Variants in CALCR observed in about 807,000 individuals in gnomAD.
CALCR encodes calcitonin receptor.
In CALCR, 47 loss-of-function variants were observed where a neutral mutation model predicts 59.5. The ratio of observed to expected loss-of-function variants is 0.79; its 90% CI spans 0.63 to 1.01. The LOEUF is 1.01. CALCR is among the 50% of genes least tolerant of loss of function. The pLI is 0.00. For synonymous variants in CALCR, 213 were observed against 211.3 expected (o/e 1.01, Z -0.07); for missense variants, 566 against 597.1 (o/e 0.95, Z 0.54).
intron 2 of CALCR, among the ~76,000 whole-genome samples, chr7:93,555,953 T>C (rs757853289): frequency 1.3e-5 from 2 of 152,182 alleles, no homozygotes; most frequent in African/African-American, 2.4e-5. Flanking sequence ...AGTAAAACTC[T>C]TCTGTAATAC....
chr7:93,461,649 C>T (rs897881392), intron 7 of CALCR, among the ~76,000 whole-genome samples: 3 of 152,158 alleles, frequency 2.0e-5, no homozygotes, highest in Non-Finnish European at 4.4e-5. Flanking sequence ...GCTGCTGCTT[C>T]TTGGTAGAGT....
At chr7:93,499,499 G>A (rs532088096) in intron 2 of CALCR, among the ~76,000 whole-genome samples, 23 of 151,762 alleles carry the variant, frequency 1.5e-4, no homozygotes, top group African/African-American at 2.4e-4. Context: ...GGATGGCCAC[G>A]TCTGGGTAAT....
At chr7:93,569,043 C>T (rs1789937708) in intron 2 of CALCR, among the ~76,000 whole-genome samples, 2 of 151,322 alleles carry the variant, frequency 1.3e-5, no homozygotes, top group Non-Finnish European at 2.9e-5. Context: ...TATCGTTCAC[C>T]AAATCCTACA....
intron 4 of CALCR, 125 bp from the exon 5 acceptor site, chr7:93,477,793 A>C: frequency 1.6e-6 from 1 of 607,568 alleles, no homozygotes. Context: ...CACATTTCAA[A>C]CAAGCCAAGT....
intron 2 of CALCR, among the ~76,000 whole-genome samples, chr7:93,493,335 C>T (rs915001838): frequency 1.3e-5 from 2 of 151,398 alleles, no homozygotes; most frequent in African/African-American, 4.8e-5. Context: ...TTGCATTTCT[C>T]ATATCAGTGT....
At chr7:93,426,648 T>G (rs1799537865) in intron 13 of CALCR, 59 bp from the exon 14 acceptor site, 1 of 857,714 alleles carries the variant, frequency 1.2e-6, no homozygotes, top group Non-Finnish European at 1.9e-6. Context: ...CCATGCAAAG[T>G]GTACGAACAT....
chr7:93,486,905 G>A, intron 3 of CALCR, 26 bp downstream of exon 3: 1 of 1,343,898 alleles, frequency 7.4e-7, no homozygotes, highest in Non-Finnish European at 1.1e-6. Flanking sequence ...CATTAGCATG[G>A]CTTTGAATAC....
chr7:93,479,176 T>A (rs1436334394), intron 4 of CALCR, among the ~76,000 whole-genome samples, 178 bp downstream of exon 4: 1 of 151,878 alleles, frequency 6.6e-6, no homozygotes, highest in Non-Finnish European at 1.5e-5. Flanking sequence ...TCAGATGAAC[T>A]TGGGCAAAGA....
intron 4 of CALCR, among the ~76,000 whole-genome samples, chr7:93,478,826 T>C (rs1352893325): frequency 2.0e-5 from 3 of 151,796 alleles, no homozygotes. Context: ...GGCAGTCACA[T>C]ACAGCCATTC....
intron 9 of CALCR, among the ~76,000 whole-genome samples, chr7:93,442,319 AT>A (rs1451747477): frequency 6.6e-6 from 1 of 152,100 alleles, no homozygotes; most frequent in African/African-American, 2.4e-5. Flanking sequence ...CATCAATTCA[AT>A]TTTGAGGCAT....
At chr7:93,442,545 T>C (rs1215053057) in intron 9 of CALCR, among the ~76,000 whole-genome samples, 2 of 152,198 alleles carry the variant, frequency 1.3e-5, no homozygotes, top group East Asian at 3.9e-4. Context: ...TTGGCGACAA[T>C]GCCTGTTGGG....
chr7:93,470,622 C>T (rs80141376), intron 6 of CALCR, among the ~76,000 whole-genome samples: 2,978 of 151,206 alleles, frequency 0.02, 108 homozygotes, highest in African/African-American at 0.068. Context: ...AATTTAGTTG[C>T]CATCCTTGTG....
At chr7:93,524,996 C>A (rs1354828176) in intron 2 of CALCR, among the ~76,000 whole-genome samples, 1 of 152,068 alleles carries the variant, frequency 6.6e-6, no homozygotes, top group Non-Finnish European at 1.5e-5. Context: ...GAATCCATGC[C>A]TGCAACATGC....
chr7:93,461,304 C>G (rs1277388683), intron 7 of CALCR, among the ~76,000 whole-genome samples: 1 of 152,050 alleles, frequency 6.6e-6, no homozygotes, highest in Non-Finnish European at 1.5e-5. Context: ...AAATGAAAAG[C>G]CTACTGTTCA....
At chr7:93,531,403 TG>T (rs1253522251) in intron 2 of CALCR, among the ~76,000 whole-genome samples, 1 of 152,112 alleles carries the variant, frequency 6.6e-6, no homozygotes, top group Non-Finnish European at 1.5e-5. Context: ...GTTTCTCATA[TG>T]TCCATCCTCC....
At chr7:93,428,190 T>C (rs1799571138) in intron 13 of CALCR, among the ~76,000 whole-genome samples, 1 of 152,258 alleles carries the variant, frequency 6.6e-6, no homozygotes, top group South Asian at 2.1e-4. Flanking sequence ...CAGCTGTTTA[T>C]TGAGTGTTTA....
intron 2 of CALCR, among the ~76,000 whole-genome samples, chr7:93,548,958 CT>C (rs1404678796): frequency 4.6e-5 from 7 of 151,442 alleles, no homozygotes; most frequent in African/African-American, 1.7e-4. Flanking sequence ...TTTTTTCCCC[CT>C]GAGAATTGTA....
At chr7:93,527,478 T>C (rs1424614671) in intron 2 of CALCR, among the ~76,000 whole-genome samples, 1 of 152,146 alleles carries the variant, frequency 6.6e-6, no homozygotes, top group African/African-American at 2.4e-5. Context: ...TACAAACTTA[T>C]AAAAATAATT....
At chr7:93,446,375 G>C (rs537531813) in intron 8 of CALCR, among the ~76,000 whole-genome samples, 1 of 151,988 alleles carries the variant, frequency 6.6e-6, no homozygotes, top group South Asian at 2.1e-4. Context: ...TGGTTTATCA[G>C]TGTCACCTGA....
Sources: gnomAD v4.1 joint callset for allele counts (sites outside exome capture counted in the v4.1 genomes callset) on GRCh38, gnomAD v4.1.1 for gene constraint, MANE v1.5 for transcripts, NCBI Gene and HGNC (gene_info 2026-07-23, HGNC 2026-07-21) for gene names.